ZNG1A: variants seen among roughly 807,000 people sequenced by gnomAD.
ZNG1A encodes the protein Zn regulated GTPase metalloprotein activator 1A.
chr9:169,798 G>A, the ZNG1A span, among the ~76,000 whole-genome samples: 4 of 136,730 alleles, frequency 2.9e-5, no homozygotes, highest in African/African-American at 1.1e-4. Flanking sequence ...AGGTATGTAT[G>A]TTTTTTAGAC....
At chr9:135,735 G>A in the ZNG1A span, among the ~76,000 whole-genome samples, 1 of 117,720 alleles carries the variant, frequency 8.5e-6, no homozygotes, top group Non-Finnish European at 1.6e-5. Context: ...AACAGTGAGG[G>A]GTAAATTAGT....
chr9:154,693 A>G, the ZNG1A span: 4 of 1,580,682 alleles, frequency 2.5e-6, no homozygotes, highest in African/African-American at 4.0e-5. Flanking sequence ...CACTTAACAC[A>G]CTTATCATTT....
At chr9:174,441 C>T in the ZNG1A span, among the ~76,000 whole-genome samples, 1 of 151,478 alleles carries the variant, frequency 6.6e-6, no homozygotes, top group African/African-American at 2.4e-5. Context: ...ATATACAGAA[C>T]ATTAATGAAA....
At chr9:146,256 A>G in the ZNG1A span, 2 of 1,463,248 alleles carry the variant, frequency 1.4e-6, no homozygotes, top group East Asian at 2.3e-5. Flanking sequence ...TTTATACATA[A>G]AATTCATAGA....
the ZNG1A span, among the ~76,000 whole-genome samples, chr9:135,334 A>C: frequency 7.1e-6 from 1 of 140,412 alleles, no homozygotes; most frequent in African/African-American, 2.8e-5. Context: ...TTTCTTTACC[A>C]TTCCAACAGG....
the ZNG1A span, among the ~76,000 whole-genome samples, chr9:160,325 A>T: frequency 6.6e-6 from 1 of 151,814 alleles, no homozygotes; most frequent in African/African-American, 2.4e-5. Context: ...CCCATTATCC[A>T]AGTGTCATTA....
the ZNG1A span, chr9:172,270 A>G: frequency 2.0e-6 from 3 of 1,495,072 alleles, no homozygotes; most frequent in South Asian, 2.4e-5. Context: ...CCGAGACAAA[A>G]GTACCCTTGG....
chr9:166,831 G>A, the ZNG1A span: 1 of 152,032 alleles, frequency 6.6e-6, no homozygotes. Context: ...CACAGTAAAT[G>A]CAAAGGTAAA....
the ZNG1A span, chr9:178,668 TAC>T: frequency 1.2e-6 from 1 of 803,126 alleles, no homozygotes; most frequent in Admixed American, 2.4e-5. Flanking sequence ...AGGCAACCCA[TAC>T]GAGAAGCAAG....
At chr9:164,084 A>C in the ZNG1A span, 18 of 1,541,866 alleles carry the variant, frequency 1.2e-5, no homozygotes, top group East Asian at 4.0e-4. Context: ...CTTCACACTG[A>C]GAAACATGAT....
the ZNG1A span, among the ~76,000 whole-genome samples, chr9:139,195 G>A: frequency 6.7e-6 from 1 of 149,920 alleles, no homozygotes; most frequent in Non-Finnish European, 1.5e-5. Flanking sequence ...GACTTAAAAA[G>A]GAAACCTTGC....
chr9:155,035 C>G, the ZNG1A span, among the ~76,000 whole-genome samples: 18 of 152,100 alleles, frequency 1.2e-4, 1 homozygote, highest in East Asian at 3.1e-3. Context: ...TTTCACATTA[C>G]CCATTCGCAA....
At chr9:162,542 A>G in the ZNG1A span, 103 of 1,527,420 alleles carry the variant, frequency 6.7e-5, no homozygotes, top group Non-Finnish European at 9.0e-5. Flanking sequence ...CATACTTCAA[A>G]ATGAAAATTA....
At chr9:164,856 C>A in the ZNG1A span, among the ~76,000 whole-genome samples, 1 of 152,068 alleles carries the variant, frequency 6.6e-6, no homozygotes, top group Non-Finnish European at 1.5e-5. Flanking sequence ...ACCTACTCTG[C>A]CAAGATGTGG....
chr9:146,288 T>A, the ZNG1A span: 1 of 844,782 alleles, frequency 1.2e-6, no homozygotes, highest in Non-Finnish European at 1.9e-6. Context: ...GGTGTAAGAT[T>A]TGAATCACAG....
At chr9:145,851 G>A in the ZNG1A span, among the ~76,000 whole-genome samples, 2 of 151,848 alleles carry the variant, frequency 1.3e-5, no homozygotes, top group African/African-American at 2.4e-5. Flanking sequence ...AGTGTTTGGT[G>A]TAGAAGTGTT....
the ZNG1A span, chr9:162,486 A>G: frequency 6.4e-7 from 1 of 1,554,748 alleles, no homozygotes; most frequent in East Asian, 2.3e-5. Flanking sequence ...AGGAAAAAAC[A>G]TTTTAATCAC....
At chr9:139,360 G>C in the ZNG1A span, among the ~76,000 whole-genome samples, 1 of 149,074 alleles carries the variant, frequency 6.7e-6, no homozygotes, top group East Asian at 2.0e-4. Flanking sequence ...CAGGGGCTAT[G>C]AAGACAGGGA....
At chr9:145,693 T>C in the ZNG1A span, among the ~76,000 whole-genome samples, 10 of 150,888 alleles carry the variant, frequency 6.6e-5, no homozygotes, top group South Asian at 1.9e-3. Context: ...AAACTTAAAG[T>C]ATAATAATAA....
Sources: allele counts gnomAD v4.1 joint callset (sites outside exome capture counted in the v4.1 genomes callset), GRCh38; gene constraint gnomAD v4.1.1; transcripts MANE v1.5; gene names NCBI Gene and HGNC (gene_info 2026-07-23, HGNC 2026-07-21).